Variants in SRSF9 observed in about 807,000 individuals in gnomAD.
The protein encoded by SRSF9 is serine and arginine rich splicing factor 9.
In SRSF9, 3 loss-of-function variants were observed where a neutral mutation model predicts 25.9. The ratio of observed to expected loss-of-function variants is 0.12; its 90% CI spans 0.05 to 0.30. The LOEUF is 0.30. Among genes scored for constraint, SRSF9 ranks in the 10% least tolerant of loss-of-function variants. The pLI is 1.00. For missense variants in SRSF9, 161 were observed against 303.5 expected (o/e 0.53, Z 3.49); for synonymous variants, 114 against 113.2 (o/e 1.01, Z -0.05).
At chr12:120,468,663 C>T (rs1878545887) in intron 1 of SRSF9, among the ~76,000 whole-genome samples, 1 of 152,246 alleles carries the variant, frequency 6.6e-6, no homozygotes, top group South Asian at 2.1e-4. Context: ...AGCGCCGCAG[C>T]TGCTAACCAC....
chr12:120,469,729 C>T lies in SRSF9; in HGVS notation c.-120G>A. Reference sequence around the variant, plus strand: ...GCTCAGCCGCACTGCATTGTGGGAACGCGGAGCGGAAGCGAAGGGGTCGGC... The same window carrying T: ...GCTCAGCCGCACTGCATTGTGGGAATGCGGAGCGGAAGCGAAGGGGTCGGC... On this transcript the variant is annotated 5_prime_UTR_variant, in exon 1 of 4. Transcript: ENST00000229390. 1.8e-6 allele frequency: 1 copy of T among 564,920 alleles called. No individual in the cohort carries two copies. Among genetic ancestry groups the T allele is most frequent in the Non-Finnish European group, 2.5e-6 (1 of 402,402 alleles). The allele number at this position is 564,920 out of a possible 1,614,324, so 35.0% of individuals were successfully genotyped here. A position where few individuals can be genotyped will look rare whatever the true frequency, so the allele number is the denominator to read the frequency against.
Position 120,465,767 on chromosome 12 carries a change from T to C in SRSF9, c.209A>G (p.Tyr70Cys). 1 of 1,591,064 alleles carries C rather than the reference T, an allele frequency of 6.3e-7. No individual in the cohort carries two copies. Among genetic ancestry groups the C allele is most frequent in the Non-Finnish European group, 8.5e-7 (1 of 1,172,696 alleles). ...EDPRDAEDAI[Y>C]GRNGYDYGQC... ...GCCATAATCATAACCATTTCTTCCA[T>C]AAATAGCATCCTCTGCATCTCTAAA... Residue 70 changes from tyrosine (Y) to cysteine (C), a missense_variant, in exon 2 of 4, where the codon TAT becomes TGT. Physicochemically the swap from Tyr to Cys is radical, Grantham distance 194. Transcript: ENST00000229390.
At chr12:120,466,163 A>G (rs1467502235) in intron 1 of SRSF9, among the ~76,000 whole-genome samples, 1 of 152,200 alleles carries the variant, frequency 6.6e-6, no homozygotes, top group African/African-American at 2.4e-5. Flanking sequence ...CACACCACAC[A>G]CTAACCCCTT....
At chr12:120,466,463 G>A (rs1278930426) in intron 1 of SRSF9, among the ~76,000 whole-genome samples, 3 of 152,068 alleles carry the variant, frequency 2.0e-5, no homozygotes, top group Non-Finnish European at 2.9e-5. Context: ...AGTGAGACCC[G>A]GTCTTTTAAA....
intron 3 of SRSF9, 60 bp from the exon 4 acceptor site, chr12:120,462,222 A>C: frequency 6.5e-7 from 1 of 1,531,166 alleles, no homozygotes; most frequent in Non-Finnish European, 8.9e-7. Context: ...CAGAAGAATA[A>C]GCAAACCAAC....
In SRSF9 at chr12:120,461,860, T is replaced by C; in HGVS notation, c.*159A>G. 1 of 730,840 alleles carries C rather than the reference T, an allele frequency of 1.4e-6. No homozygotes were observed. Among genetic ancestry groups the C allele is most frequent in the Non-Finnish European group, 2.0e-6 (1 of 499,378 alleles). 45.3% of individuals were successfully genotyped at this position (730,840 alleles called of 1,614,324 possible). On this transcript the variant is annotated 3_prime_UTR_variant, in exon 4 of 4. Transcript: ENST00000229390. ...GCAGTTTAAAATGTTTCACTGCTAA[T>C]ATGGCCCTGGTAGAAATTATGTAGT...
At chr12:120,465,537 C>T (rs1170293499) in intron 2 of SRSF9, 90 bp downstream of exon 2, 2 of 1,418,528 alleles carry the variant, frequency 1.4e-6, no homozygotes, top group Admixed American at 3.1e-5. Flanking sequence ...GTCCCATGCA[C>T]TGAAGAATAA....
In SRSF9 at chr12:120,461,994, A is replaced by G. The variant is rs758851796; in HGVS notation, c.*25T>C. 1.3e-6 allele frequency: 2 copies of G among 1,586,456 alleles called. No individual in the cohort carries two copies. Among genetic ancestry groups the G allele is most frequent in the Admixed American group, 1.8e-5 (1 of 56,148 alleles). ...AAGCAGCTCAGTTAACCTAAAAAAT[A>G]AAGAAAAAATTCCCATCACCTGTCT... is the stretch of plus-strand genomic sequence containing the variant. On this transcript the variant is annotated 3_prime_UTR_variant, in exon 4 of 4. Transcript: ENST00000229390.
intron 2 of SRSF9, 70 bp downstream of exon 2, chr12:120,465,557 T>C: frequency 6.7e-7 from 1 of 1,483,984 alleles, no homozygotes; most frequent in Non-Finnish European, 8.9e-7. Flanking sequence ...ACAGCTATCA[T>C]TTCTTGGAAG....
In SRSF9 at chr12:120,469,574, G is replaced by T. The variant is rs769474870; in HGVS notation, c.36C>A (p.Gly12=). The T allele has an allele frequency of 1.1e-5, 17 of 1,554,678 alleles. 1 individual carries two copies. In the South Asian group the frequency reaches 2.0e-4, roughly 18 times the overall value. Residue 12 remains glycine, a synonymous_variant, in exon 1 of 4, where the codon GGC becomes GGA. Coordinates refer to ENST00000229390, the MANE Select transcript of SRSF9 (RefSeq NM_003769.3). ...SGWADERGGE[G]DGRIYVGNLP... ...GGTTCCCCACGTAGATGCGCCCGTCGCCCTCGCCGCCGCGCTCGTCCGCCC... is the reference window on the plus strand; with the variant it reads ...GGTTCCCCACGTAGATGCGCCCGTCTCCCTCGCCGCCGCGCTCGTCCGCCC...
chr12:120,462,394 AAC>A, intron 3 of SRSF9: 2 of 408,614 alleles, frequency 4.9e-6, no homozygotes, highest in East Asian at 4.1e-5. Flanking sequence ...TGCCCAAGGT[AAC>A]ACAATAAATG....
At chr12:120,462,259 G>T in intron 3 of SRSF9, 97 bp from the exon 4 acceptor site, 1 of 1,336,796 alleles carries the variant, frequency 7.5e-7, no homozygotes, top group Non-Finnish European at 1.0e-6. Context: ...TAAGTATTGA[G>T]CACTTACTGT....
At chr12:120,468,647 C>A (rs1405280596) in intron 1 of SRSF9, among the ~76,000 whole-genome samples, 1 of 152,206 alleles carries the variant, frequency 6.6e-6, no homozygotes, top group Admixed American at 6.5e-5. Context: ...GTGGAGTGAC[C>A]AGGTCAGCGC....
chr12:120,468,342 GA>G (rs1364065475), intron 1 of SRSF9, among the ~76,000 whole-genome samples: 3 of 152,096 alleles, frequency 2.0e-5, no homozygotes, highest in Non-Finnish European at 4.4e-5. Flanking sequence ...AGCAACTGTT[GA>G]AAAACCACAA....
rs1592994482 is a variant in SRSF9, at chr12:120,469,733, G to A, written c.-124C>T. 24 of 537,990 alleles carry A rather than the reference G, an allele frequency of 4.5e-5. No individual in the cohort carries two copies. The highest frequency in any genetic ancestry group is 6.3e-5 in the Non-Finnish European group (24 of 378,202). 33.3% of individuals were successfully genotyped at this position (537,990 alleles called of 1,614,324 possible). ...AGCCGCACTGCATTGTGGGAACGCG[G>A]AGCGGAAGCGAAGGGGTCGGCGGAG... On this transcript the variant is annotated 5_prime_UTR_variant, in exon 1 of 4. Transcript: ENST00000229390.
intron 3 of SRSF9, chr12:120,463,680 G>C (rs1878416851): frequency 3.3e-6 from 1 of 300,712 alleles, no homozygotes; most frequent in Admixed American, 4.7e-5. Context: ...TTCTCTCCAG[G>C]TTACAAATAC....
chr12:120,465,815 A>C, intron 1 of SRSF9, 28 bp from the exon 2 acceptor site: 1 of 1,565,660 alleles, frequency 6.4e-7, no homozygotes, highest in Non-Finnish European at 8.6e-7. Context: ...AACAAAAAAA[A>C]CGTTTGGAGT....
At chr12:120,468,831 G>A (rs372433712) in intron 1 of SRSF9, among the ~76,000 whole-genome samples, 25 of 152,316 alleles carry the variant, frequency 1.6e-4, no homozygotes, top group African/African-American at 5.5e-4. Context: ...ATCAAAGGAG[G>A]GAAGTGAAAT....
At chr12:120,469,277 C>T in intron 1 of SRSF9, 145 bp downstream of exon 1, 1 of 531,894 alleles carries the variant, frequency 1.9e-6, no homozygotes, top group Non-Finnish European at 3.2e-6. Flanking sequence ...CCTCATCCTC[C>T]ACCCGTGAGG....
Sources: gnomAD v4.1 joint callset for allele counts (sites outside exome capture counted in the v4.1 genomes callset) on GRCh38, gnomAD v4.1.1 for gene constraint, MANE v1.5 for transcripts, NCBI Gene and HGNC (gene_info 2026-07-23, HGNC 2026-07-21) for gene names.